The following CARNMT1 variants were observed in gnomAD, a reference collection of about 807,000 sequenced individuals.
The protein encoded by CARNMT1 is protein-L-histidine N-pros-methyltransferase CARNMT1.
Under a neutral mutation model 49.6 loss-of-function variants are expected in CARNMT1, and 28 were observed. The observed-to-expected ratio is 0.56, with a 90% confidence interval of 0.42 to 0.77. CARNMT1 has a LOEUF of 0.77. CARNMT1 is among the 30% of genes least tolerant of loss of function. CARNMT1 has a pLI of 0.00. For missense variants in CARNMT1, 421 were observed against 512.6 expected (o/e 0.82, Z 1.73); for synonymous variants, 178 against 175.0 (o/e 1.02, Z -0.13).
chr9:74,983,088 G>C lies in CARNMT1; in HGVS notation c.*679C>G, dbSNP rs1390378509. 1 of 151,920 alleles carries C rather than the reference G, an allele frequency of 6.6e-6. No individual in the cohort carries two copies. 9.4% of individuals were successfully genotyped at this position (151,920 alleles called of 1,614,324 possible). A position where few individuals can be genotyped will look rare whatever the true frequency, so the allele number is the denominator to read the frequency against. ...TTAAATTAATCTGAATGATAAAATA[G>C]ACACAGGCCAGGCGCGGTGGTACAT... On this transcript the variant is annotated 3_prime_UTR_variant, in exon 8 of 8. Coordinates refer to ENST00000376834, the MANE Select transcript of CARNMT1 (RefSeq NM_152420.3).
intron 4 of CARNMT1, 46 bp downstream of exon 4, chr9:74,999,684 C>A (rs766276562): frequency 4.5e-6 from 7 of 1,547,364 alleles, no homozygotes; most frequent in Admixed American, 3.8e-5. Flanking sequence ...GTAAGTCAAT[C>A]TGATTCTGAG....
chr9:75,006,968 C>T (rs1275972428), intron 3 of CARNMT1, among the ~76,000 whole-genome samples: 3 of 152,124 alleles, frequency 2.0e-5, no homozygotes, highest in Admixed American at 1.3e-4. Context: ...TCTATAATCA[C>T]TGAGTATAAA....
rs1428348953 is a variant in CARNMT1, at chr9:74,981,219, T to C, written c.*2548A>G. 1 of 152,164 alleles carries C rather than the reference T, an allele frequency of 6.6e-6. No individual in the cohort carries two copies. The highest frequency in any genetic ancestry group is 1.5e-5 in the Non-Finnish European group (1 of 67,988). The allele number at this position is 152,164 out of a possible 1,614,324, so 9.4% of individuals were successfully genotyped here. A position where few individuals can be genotyped will look rare whatever the true frequency, so the allele number is the denominator to read the frequency against. ...TTTATACTGTGATTTTTACAGCTTC[T>C]CCTTATATTGTACATGTTCCACCTT... On this transcript the variant is annotated 3_prime_UTR_variant, in exon 8 of 8. Transcript: ENST00000376834.
At chr9:75,028,408 A>C (rs1246981446), upstream of CARNMT1, 1 of 1,290,288 alleles carries the variant, frequency 7.8e-7, no homozygotes, top group Non-Finnish European at 9.8e-7. Context: ...GGGCTCCGCC[A>C]GGTCTTCAGG....
intron 3 of CARNMT1, 67 bp downstream of exon 3, chr9:75,016,201 C>A: frequency 8.1e-7 from 1 of 1,228,952 alleles, no homozygotes; most frequent in Middle Eastern, 2.0e-4. Flanking sequence ...GACTGTGAAA[C>A]ATTTTATCAA....
intron 3 of CARNMT1, among the ~76,000 whole-genome samples, chr9:75,000,166 GAAC>G (rs1833311984): frequency 6.6e-6 from 1 of 152,022 alleles, no homozygotes; most frequent in African/African-American, 2.4e-5. Flanking sequence ...CTGTCACCCT[GAAC>G]AACTATCTTA....
At chr9:75,000,716 C>T (rs1317925918) in intron 3 of CARNMT1, among the ~76,000 whole-genome samples, 1 of 152,180 alleles carries the variant, frequency 6.6e-6, no homozygotes, top group Non-Finnish European at 1.5e-5. Context: ...AACTTCACTA[C>T]TGTATTTCCT....
intron 3 of CARNMT1, among the ~76,000 whole-genome samples, chr9:75,006,132 A>C (rs1055543926): frequency 1.3e-5 from 2 of 151,746 alleles, no homozygotes; most frequent in Non-Finnish European, 2.9e-5. Flanking sequence ...GCTCACTGCA[A>C]CCTCCACCTC....
At position 75,014,072 on chromosome 9, in the gene CARNMT1, T is replaced by G. The variant is rs1179859635; in HGVS notation, c.590+2196A>C. On this transcript the variant is annotated intron_variant, in intron 3 of 7. Transcript: ENST00000376834. ...AGAATAAAAGGATGAATAAACAAGATGCCAATGATACTGATTATCCAAATG... is the reference window on the plus strand; with the variant it reads ...AGAATAAAAGGATGAATAAACAAGAGGCCAATGATACTGATTATCCAAATG... Among the ~76,000 whole-genome samples, 4 of 120,750 alleles carry G rather than the reference T, an allele frequency of 3.3e-5. No individual in the cohort carries two copies. In the Admixed American group the frequency reaches 3.4e-4, roughly 10 times the overall value. 79.2% of individuals were successfully genotyped at this position (120,750 alleles called of 152,430 possible).
At chr9:74,985,389 A>G (rs1832802833) in intron 6 of CARNMT1, among the ~76,000 whole-genome samples, 1 of 152,240 alleles carries the variant, frequency 6.6e-6, no homozygotes, top group African/African-American at 2.4e-5. Flanking sequence ...TCATATGAAA[A>G]CAAAGGAGGA....
Position 75,022,213 on chromosome 9 carries a change from C to CTA in CARNMT1, c.231-4766_231-4765insTA, listed in dbSNP as rs1822387453. Among the ~76,000 whole-genome samples, 15 of 77,008 alleles carry CTA rather than the reference C, an allele frequency of 1.9e-4. No homozygotes were observed. In the Admixed American group the frequency reaches 2.1e-3, roughly 11 times the overall value. 50.5% of individuals were successfully genotyped at this position (77,008 alleles called of 152,430 possible). On this transcript the variant is annotated intron_variant, in intron 1 of 7. Coordinates refer to ENST00000376834, the MANE Select transcript of CARNMT1 (RefSeq NM_152420.3). ...CAGAATTACCAGGTGAGAAGGAATA[C>CTA]TTTTTTTTTTTTTTTTTTTTTTTTT...
At chr9:75,027,270 G>A (rs985211101) in intron 1 of CARNMT1, 1 of 551,808 alleles carries the variant, frequency 1.8e-6, no homozygotes, top group African/African-American at 2.0e-5. Flanking sequence ...TTATGAATGA[G>A]GAGCATAAAG....
intron 1 of CARNMT1, among the ~76,000 whole-genome samples, chr9:75,025,369 G>A (rs928858669): frequency 5.9e-5 from 9 of 152,116 alleles, no homozygotes; most frequent in Non-Finnish European, 1.3e-4. Flanking sequence ...AACAGGAAGT[G>A]GCTACAAAAT....
intron 2 of CARNMT1, 29 bp downstream of exon 2, chr9:75,017,224 A>T (rs1220067540): frequency 6.4e-7 from 1 of 1,567,120 alleles, no homozygotes; most frequent in South Asian, 1.1e-5. Context: ...ACCCTAAAAT[A>T]AACAGAAATA....
At chr9:75,021,435 T>C (rs1822358406) in intron 1 of CARNMT1, among the ~76,000 whole-genome samples, 1 of 145,522 alleles carries the variant, frequency 6.9e-6, no homozygotes, top group Non-Finnish European at 1.5e-5. Context: ...ATAAATAGTA[T>C]ATATAATATA....
intron 1 of CARNMT1, among the ~76,000 whole-genome samples, chr9:75,018,068 T>C (rs1365547896): frequency 2.6e-5 from 4 of 152,092 alleles, no homozygotes; most frequent in Non-Finnish European, 4.4e-5. Context: ...TTACTTATTA[T>C]TATTATTTTT....
chr9:75,020,588 C>T (rs1163222982), intron 1 of CARNMT1, among the ~76,000 whole-genome samples: 1 of 152,050 alleles, frequency 6.6e-6, no homozygotes, highest in Non-Finnish European at 1.5e-5. Flanking sequence ...TTCAATTTCA[C>T]TTTCATTTTC....
rs1833554488 is a variant in CARNMT1 at position 75,007,728 on chromosome 9, CAAAAAAATAAAAATAATAA to C, written c.591-7877_591-7859del. Among the ~76,000 whole-genome samples, 4 of 79,994 alleles carry C rather than the reference CAAAAAAATAAAAATAATAA, an allele frequency of 5.0e-5. 1 individual carries two copies. In the South Asian group the frequency reaches 2.1e-3, roughly 42 times the overall value. The allele number at this position is 79,994 out of a possible 152,430, so 52.5% of individuals were successfully genotyped here. ...TGGGTGACAGAGCGAGACCCTGTCT[CAAAAAAATAAAAATAATAA>C]AAAAAAAAAAACTAAGAAAATTCTT... is the stretch of plus-strand genomic sequence containing the variant. On this transcript the variant is annotated intron_variant, in intron 3 of 7. Coordinates refer to ENST00000376834, the MANE Select transcript of CARNMT1 (RefSeq NM_152420.3).
At chr9:75,020,261 T>TTTC (rs10645538) in intron 1 of CARNMT1, among the ~76,000 whole-genome samples, 51,284 of 133,826 alleles carry the variant, frequency 0.38, 10,972 homozygotes, top group South Asian at 0.52. Flanking sequence ...CTATTTCATT[T>TTTC]TTCTTCTTTT....
Sources: allele counts gnomAD v4.1 joint callset (sites outside exome capture counted in the v4.1 genomes callset), GRCh38; gene constraint gnomAD v4.1.1; transcripts MANE v1.5; gene names NCBI Gene and HGNC (gene_info 2026-07-23, HGNC 2026-07-21).